The following NBPF9 variants were observed in gnomAD, a reference collection of about 807,000 sequenced individuals.
NBPF9 encodes NBPF member 9.
In NBPF9, 91 loss-of-function variants were observed where a neutral mutation model predicts 97.8. The ratio of observed to expected loss-of-function variants is 0.93; its 90% CI spans 0.79 to 1.11. NBPF9 has a LOEUF of 1.11. Ranked by LOEUF, NBPF9 falls within the 50% of genes least tolerant of loss-of-function variation. NBPF9 has a pLI of 0.00. For synonymous variants in NBPF9, 334 were observed against 359.5 expected, an observed-to-expected ratio of 0.93 and a Z score of 0.80; for missense variants, 992 against 939.5, an observed-to-expected ratio of 1.06 and a Z score of -0.73.
intron 19 of NBPF9, among the ~76,000 whole-genome samples, 197 bp from the exon 20 acceptor site, chr1:149,064,002 AC>A (rs2078836395): frequency 9.1e-6 from 1 of 109,638 alleles, no homozygotes; most frequent in African/African-American, 4.0e-5. Flanking sequence ...AGACACACAC[AC>A]ACACACAGAC....
At chr1:149,063,136 C>A (rs1423068674) in intron 20 of NBPF9, among the ~76,000 whole-genome samples, 1 of 145,126 alleles carries the variant, frequency 6.9e-6, no homozygotes, top group Non-Finnish European at 1.5e-5. Flanking sequence ...AGACCGTTAT[C>A]CCAATATCAT....
At chr1:149,087,230 A>T (rs2081074979) in intron 5 of NBPF9, among the ~76,000 whole-genome samples, 1 of 151,180 alleles carries the variant, frequency 6.6e-6, no homozygotes, top group Admixed American at 6.6e-5. Context: ...ATCGTATCAG[A>T]CTGCAATATA....
At chr1:149,091,351 G>GA (rs2081394054) in intron 4 of NBPF9, among the ~76,000 whole-genome samples, 1 of 144,940 alleles carries the variant, frequency 6.9e-6, no homozygotes, top group Non-Finnish European at 1.5e-5. Context: ...CATATGTCCA[G>GA]AAAATGATTT....
intron 29 of NBPF9, 92 bp from the exon 30 acceptor site, chr1:149,055,991 T>G: frequency 1.4e-6 from 2 of 1,457,124 alleles, no homozygotes; most frequent in South Asian, 2.4e-5. Flanking sequence ...AGGAAGTGGT[T>G]AGAAAAGAAA....
chr1:149,070,154 C>G (rs2079286144), intron 16 of NBPF9, among the ~76,000 whole-genome samples: 1 of 146,910 alleles, frequency 6.8e-6, no homozygotes, highest in South Asian at 2.2e-4. Flanking sequence ...AACCCTGTCT[C>G]TACTAAAAAT....
At chr1:149,056,287 G>A (rs1291088257) in intron 29 of NBPF9, among the ~76,000 whole-genome samples, 19 of 133,112 alleles carry the variant, frequency 1.4e-4, no homozygotes, top group African/African-American at 2.0e-4. Context: ...GTGGCCATGA[G>A]AGTACAGCTT....
intron 4 of NBPF9, among the ~76,000 whole-genome samples, chr1:149,095,752 A>G (rs1553661339): frequency 6.6e-6 from 1 of 152,232 alleles, no homozygotes; most frequent in Middle Eastern, 3.4e-3. Context: ...AAACAACGAG[A>G]TATCACTGTA....
intron 8 of NBPF9, 50 bp downstream of exon 8, chr1:149,080,003 C>T: frequency 6.9e-7 from 1 of 1,440,486 alleles, no homozygotes; most frequent in Non-Finnish European, 9.7e-7. Flanking sequence ...TGCTGTACTT[C>T]AGAGATCTAC....
At chr1:149,062,688 G>T (rs1225856493) in intron 21 of NBPF9, among the ~76,000 whole-genome samples, 174 bp downstream of exon 21, 2 of 151,214 alleles carry the variant, frequency 1.3e-5, no homozygotes, top group African/African-American at 4.9e-5. Flanking sequence ...AAATGATAAG[G>T]GGAGGAAGAA....
chr1:149,073,618 G>C, intron 13 of NBPF9, 150 bp downstream of exon 13: 1 of 688,000 alleles, frequency 1.5e-6, no homozygotes, highest in South Asian at 1.7e-5. Context: ...CTTCTTCTCT[G>C]TTTGATAAAT....
intron 5 of NBPF9, among the ~76,000 whole-genome samples, chr1:149,084,240 C>CGTATATATATATAATATATATACACGT (rs2080779700): frequency 4.2e-5 from 6 of 141,346 alleles, no homozygotes; most frequent in African/African-American, 1.6e-4. Flanking sequence ...ACATGGCACA[C>CGTATATATATATAATATATATACACGT]GTATATATAT....
Position 149,063,634 on chromosome 1 carries a change from A to G in NBPF9, c.2025T>C (p.Asp675=), listed in dbSNP as rs782511630. 2,463 of 612,430 alleles carry G rather than the reference A, an allele frequency of 4.0e-3. 5 individuals are homozygous for G. The highest frequency in any genetic ancestry group is 5.5e-3 in the Non-Finnish European group (1,931 of 352,498). 37.9% of individuals were successfully genotyped at this position (612,430 alleles called of 1,614,324 possible). The change falls in exon 20 of 30, where the codon GAT becomes GAC. Residue 675 remains aspartate, a splice_region_variant and synonymous_variant. Transcript: ENST00000584027. ...TCACCTTCATAGAAAGGTACTCACC[A>G]TCCATGTCAACAGCCAAGCCAACAC... is the stretch of plus-strand genomic sequence containing the variant.
At chr1:149,058,308 C>T (rs1448969201) in intron 26 of NBPF9, 93 bp from the exon 27 acceptor site, 2 of 416,938 alleles carry the variant, frequency 4.8e-6, no homozygotes, top group African/African-American at 4.6e-5. Context: ...GGATCTCAGG[C>T]TCCTCAGCAT....
At chr1:149,099,445 T>C (rs1246250621) in intron 3 of NBPF9, among the ~76,000 whole-genome samples, 12 of 152,252 alleles carry the variant, frequency 7.9e-5, no homozygotes, top group Non-Finnish European at 1.5e-4. Context: ...GGTATATTAG[T>C]ATGTTCATTC....
At chr1:149,093,525 T>C in intron 4 of NBPF9, among the ~76,000 whole-genome samples, 1 of 146,894 alleles carries the variant, frequency 6.8e-6, no homozygotes, top group Non-Finnish European at 1.5e-5. Context: ...AATACCTGGC[T>C]TTCCTAGGCA....
chr1:149,074,029 C>T (rs2079639961), intron 12 of NBPF9, among the ~76,000 whole-genome samples, 159 bp from the exon 13 acceptor site: 1 of 150,768 alleles, frequency 6.6e-6, no homozygotes, highest in Non-Finnish European at 1.5e-5. Flanking sequence ...AGTCTCCTGA[C>T]TTTCTGGCAT....
chr1:149,077,410 C>T (rs1575845962), exon 11 of NBPF9: 1 of 1,609,648 alleles, frequency 6.2e-7, no homozygotes, highest in Admixed American at 1.7e-5. Flanking sequence ...CTTCAGCCTT[C>T]TGCACCTCCC....
intron 5 of NBPF9, among the ~76,000 whole-genome samples, chr1:149,087,859 G>T: frequency 7.9e-6 from 1 of 127,212 alleles, no homozygotes; most frequent in Non-Finnish European, 1.6e-5. Context: ...TTGAGACAGA[G>T]TCTTGCTCTG....
chr1:149,074,322 T>C lies in NBPF9; in HGVS notation c.989-452A>G, dbSNP rs587702304. On this transcript the variant is annotated intron_variant, in intron 12 of 29. Transcript: ENST00000584027. ...TCAAGGACAAGTATGCGAAAGATTT[T>C]TTAAATCTTTGATTTTTAAATCATA... Among the ~76,000 whole-genome samples, 10 of 151,524 alleles carry C rather than the reference T, an allele frequency of 6.6e-5. 1 individual carries two copies. Among genetic ancestry groups the C allele is most frequent in the African/African-American group, 1.4e-4 (6 of 41,474 alleles).
Sources: gnomAD v4.1 joint callset for allele counts (sites outside exome capture counted in the v4.1 genomes callset) on GRCh38, gnomAD v4.1.1 for gene constraint, MANE v1.5 for transcripts, NCBI Gene and HGNC (gene_info 2026-07-23, HGNC 2026-07-21) for gene names.